Variants in ATP8B4 observed in about 807,000 individuals in gnomAD.
ATP8B4 encodes ATPase phospholipid transporting 8B4 (putative).
ATP8B4 carries 133 observed loss-of-function variants against 145.6 expected under a neutral mutation model. The observed-to-expected ratio is 0.91, with a 90% CI of 0.79 to 1.05. ATP8B4 has a LOEUF of 1.05. Ranked by LOEUF, ATP8B4 falls within the 50% of genes least tolerant of loss-of-function variation. The pLI, the probability that ATP8B4 is intolerant of heterozygous loss-of-function variation, is 0.00. For synonymous variants in ATP8B4, 507 were observed against 492.9 expected (o/e 1.03, Z -0.38); for missense variants, 1,458 against 1,425.2 (o/e 1.02, Z -0.37).
At chr15:49,873,658 G>A (rs2033975396) in intron 25 of ATP8B4, among the ~76,000 whole-genome samples, 1 of 151,940 alleles carries the variant, frequency 6.6e-6, no homozygotes, top group South Asian at 2.1e-4. Flanking sequence ...TTTATAATAA[G>A]ACTAAAAGGA....
intron 1 of ATP8B4, among the ~76,000 whole-genome samples, chr15:50,165,969 GAA>G (rs2044591438): frequency 2.6e-5 from 1 of 38,354 alleles, no homozygotes; most frequent in Admixed American, 2.8e-4. Context: ...GAATCCCAGA[GAA>G]CACACACACA....
chr15:50,115,565 G>T (rs2057138078), intron 1 of ATP8B4, among the ~76,000 whole-genome samples: 1 of 151,926 alleles, frequency 6.6e-6, no homozygotes, highest in African/African-American at 2.4e-5. Context: ...CGTGAGGAAA[G>T]GCCAAGTGTT....
At chr15:49,956,167 G>A (rs2043541806) in intron 14 of ATP8B4, among the ~76,000 whole-genome samples, 1 of 152,042 alleles carries the variant, frequency 6.6e-6, no homozygotes, top group South Asian at 2.1e-4. Flanking sequence ...CTGTAATAAT[G>A]TCTTTTCAAA....
chr15:49,981,043 A>G (rs138941531), intron 11 of ATP8B4, among the ~76,000 whole-genome samples, 163 bp downstream of exon 11: 1 of 152,358 alleles, frequency 6.6e-6, no homozygotes, highest in East Asian at 1.9e-4. Context: ...AGAAATTAGC[A>G]TAATCTAGAA....
chr15:50,105,971 A>G (rs2056659181), intron 2 of ATP8B4, among the ~76,000 whole-genome samples: 1 of 152,190 alleles, frequency 6.6e-6, no homozygotes, highest in African/African-American at 2.4e-5. Context: ...CCTGATTAGC[A>G]TTGGGAATAT....
intron 2 of ATP8B4, among the ~76,000 whole-genome samples, chr15:50,079,939 C>T (rs995123937): frequency 1.3e-5 from 2 of 152,150 alleles, no homozygotes; most frequent in Non-Finnish European, 2.9e-5. Flanking sequence ...ATAGCATTTG[C>T]ATCATTTTTT....
At chr15:49,907,809 C>T (rs1173920401) in intron 20 of ATP8B4, among the ~76,000 whole-genome samples, 1 of 152,242 alleles carries the variant, frequency 6.6e-6, no homozygotes, top group Non-Finnish European at 1.5e-5. Context: ...CCTACATCTG[C>T]TATTTCCCCT....
intron 20 of ATP8B4, among the ~76,000 whole-genome samples, chr15:49,904,933 C>T (rs968627010): frequency 6.6e-6 from 1 of 152,132 alleles, no homozygotes; most frequent in Non-Finnish European, 1.5e-5. Flanking sequence ...GTGATCAATG[C>T]TACAAAAATG....
chr15:49,969,096 A>G (rs941737577), intron 13 of ATP8B4, among the ~76,000 whole-genome samples: 26 of 152,226 alleles, frequency 1.7e-4, no homozygotes, highest in African/African-American at 6.3e-4. Context: ...GAAACGATGT[A>G]CCAGAATCTC....
chr15:50,159,386 GT>G (rs1355861491), intron 1 of ATP8B4, among the ~76,000 whole-genome samples: 1 of 152,108 alleles, frequency 6.6e-6, no homozygotes, highest in African/African-American at 2.4e-5. Context: ...AGTTCTAATC[GT>G]TTTTTAGCCG....
Position 49,972,697 on chromosome 15 carries a change from C to T in ATP8B4, c.1128G>A (p.Thr376=), listed in dbSNP as rs755290601. 1.9e-6 allele frequency: 3 copies of T among 1,613,774 alleles called. No individual in the cohort carries two copies. The highest frequency in any genetic ancestry group is 1.3e-5 in the African/African-American group (1 of 74,872). ...GCCCCAGTTCCTCATTGAGCGTGGT[C>T]GTTCGAGCCACTGCAGGTATTGCTT... is the stretch of plus-strand genomic sequence containing the variant. ...SRKAIPAVAR[T]TTLNEELGQI... The change falls in exon 13 of 28, where the codon ACG becomes ACA. Residue 376 remains threonine (T), a synonymous_variant. Transcript: ENST00000284509.
chr15:50,180,180 A>C (rs2140886129), intron 1 of ATP8B4, among the ~76,000 whole-genome samples: 1 of 152,194 alleles, frequency 6.6e-6, no homozygotes, highest in East Asian at 1.9e-4. Flanking sequence ...TAATCCAGTC[A>C]GGGATTTTTT....
intron 14 of ATP8B4, among the ~76,000 whole-genome samples, chr15:49,960,586 C>G (rs757622783): frequency 1.3e-5 from 2 of 152,084 alleles, no homozygotes; most frequent in African/African-American, 2.4e-5. Context: ...AACATTAACT[C>G]TATAATGATG....
intron 1 of ATP8B4, among the ~76,000 whole-genome samples, chr15:50,176,049 A>G (rs1364161058): frequency 6.6e-6 from 1 of 151,582 alleles, no homozygotes; most frequent in Non-Finnish European, 1.5e-5. Flanking sequence ...GAGAGTGTAT[A>G]TATATACCGC....
intron 1 of ATP8B4, among the ~76,000 whole-genome samples, chr15:50,117,578 A>G (rs1240274121): frequency 6.6e-6 from 1 of 152,214 alleles, no homozygotes; most frequent in Non-Finnish European, 1.5e-5. Flanking sequence ...AATATAGGTT[A>G]AAATAAATCA....
At chr15:49,980,905 A>G (rs981238789) in intron 11 of ATP8B4, among the ~76,000 whole-genome samples, 21 of 152,190 alleles carry the variant, frequency 1.4e-4, no homozygotes, top group African/African-American at 4.8e-4. Context: ...AAACAAAAAC[A>G]CCAAACTGCC....
intron 3 of ATP8B4, among the ~76,000 whole-genome samples, chr15:50,067,751 G>A (rs1020777463): frequency 2.0e-5 from 3 of 152,076 alleles, no homozygotes; most frequent in African/African-American, 4.8e-5. Context: ...GGCACGTCCT[G>A]TAGCATGCAC....
At chr15:50,048,581 G>A (rs1163665952) in intron 3 of ATP8B4, among the ~76,000 whole-genome samples, 3 of 151,868 alleles carry the variant, frequency 2.0e-5, no homozygotes, top group African/African-American at 7.3e-5. Flanking sequence ...GGTGGTGCAC[G>A]CCTGTAATCC....
chr15:49,861,333 G>A (rs1199734616), intron 27 of ATP8B4, among the ~76,000 whole-genome samples: 4 of 151,814 alleles, frequency 2.6e-5, no homozygotes, highest in South Asian at 2.1e-4. Context: ...AAGGGACTCC[G>A]AATTTTTCCG....
Sources: allele counts gnomAD v4.1 joint callset (sites outside exome capture counted in the v4.1 genomes callset), GRCh38; gene constraint gnomAD v4.1.1; transcripts MANE v1.5; gene names NCBI Gene and HGNC (gene_info 2026-07-23, HGNC 2026-07-21).